OSBPL2: variants seen among roughly 807,000 people sequenced by gnomAD.
OSBPL2 encodes oxysterol-binding protein-related protein 2.
OSBPL2 carries 18 observed loss-of-function variants against 58.4 expected under a neutral mutation model. That is an observed-to-expected ratio of 0.31 (90% CI 0.21 to 0.46). The LOEUF (loss-of-function observed/expected upper bound fraction) is 0.46. Among genes scored for constraint, OSBPL2 ranks in the 20% least tolerant of loss-of-function variants. The pLI is 1.00. For synonymous variants in OSBPL2, 221 were observed against 234.1 expected (o/e 0.94, Z 0.51); for missense variants, 461 against 616.5 (o/e 0.75, Z 2.67).
chr20:62,292,275 G>A (rs931199143), intron 13 of OSBPL2, among the ~76,000 whole-genome samples: 4 of 152,260 alleles, frequency 2.6e-5, no homozygotes, highest in African/African-American at 4.8e-5. Flanking sequence ...GCCACAGCCC[G>A]TGTGTAGGGA....
At chr20:62,260,593 C>T (rs4925363) in intron 3 of OSBPL2, among the ~76,000 whole-genome samples, 1 of 152,104 alleles carries the variant, frequency 6.6e-6, no homozygotes, top group Non-Finnish European at 1.5e-5. Flanking sequence ...GGACAAGAAG[C>T]GTTTAATTTC....
chr20:62,266,391 C>A (rs1601172570), intron 4 of OSBPL2, among the ~76,000 whole-genome samples: 1 of 152,238 alleles, frequency 6.6e-6, no homozygotes, highest in East Asian at 1.9e-4. Flanking sequence ...ATTGAAAAAA[C>A]ACAAGCACAC....
rs115275081 is a variant in OSBPL2 at position 62,246,377 on chromosome 20, T to C, written c.-129+7780T>C. Among the ~76,000 whole-genome samples the C allele has an allele frequency of 7.7e-3, 1,175 of 152,364 alleles. 22 individuals carry two copies. Among genetic ancestry groups the C allele is most frequent in the African/African-American group, 0.026 (1,075 of 41,592 alleles). On this transcript the variant is annotated intron_variant, in intron 1 of 13. Transcript: ENST00000313733. ...AGGGACGACACTGGACAGATGACATTTCCAGTGCCATGGGAGAGTCTAAGC... is the reference window on the plus strand; with the variant it reads ...AGGGACGACACTGGACAGATGACATCTCCAGTGCCATGGGAGAGTCTAAGC...
At chr20:62,252,051 T>C (rs1980592387) in intron 1 of OSBPL2, among the ~76,000 whole-genome samples, 1 of 151,148 alleles carries the variant, frequency 6.6e-6, no homozygotes, top group Admixed American at 6.6e-5. Flanking sequence ...ACCCGACTAA[T>C]TTTTGTGTAT....
At chr20:62,242,900 G>A (rs916457408) in intron 1 of OSBPL2, among the ~76,000 whole-genome samples, 4 of 152,212 alleles carry the variant, frequency 2.6e-5, no homozygotes, top group African/African-American at 9.7e-5. Flanking sequence ...AGGGAGTTGT[G>A]TGGAGTTTTG....
Position 62,260,053 on chromosome 20 carries a change from A to G in OSBPL2, c.110A>G (p.Asp37Gly), listed in dbSNP as rs1981194857. 1 of 1,613,728 alleles carries G rather than the reference A, an allele frequency of 6.2e-7. No homozygotes were observed. Among genetic ancestry groups the G allele is most frequent in the Non-Finnish European group, 8.5e-7 (1 of 1,179,634 alleles). ...NQKVTGMIDL[D>G]TSKNNRIGKT... ...AAAGTCACGGGAATGATTGACTTAG[A>G]CACCAGCAAAAATAATAGGATTGGG... The change falls in exon 3 of 14, where the codon GAC (aspartate) becomes GGC (glycine). Residue 37 changes from aspartate (D) to glycine (G), a missense_variant. By Grantham distance (94) the Asp-to-Gly change is moderately conservative. Around this residue, in one of 5 missense-constraint regions of OSBPL2, gnomAD observed 80 missense variants for 74.8 expected, o/e 1.07. Coordinates refer to ENST00000313733, the MANE Select transcript of OSBPL2 (RefSeq NM_144498.4).
At chr20:62,284,008 G>A (rs764959308) in intron 9 of OSBPL2, 38 bp from the exon 10 acceptor site, 2 of 1,595,402 alleles carry the variant, frequency 1.3e-6, no homozygotes, top group East Asian at 2.2e-5. Context: ...GGTTTGTAAT[G>A]ACTAAGACTT....
intron 1 of OSBPL2, among the ~76,000 whole-genome samples, chr20:62,246,330 C>A (rs1158000827): frequency 6.6e-6 from 1 of 152,278 alleles, no homozygotes; most frequent in Non-Finnish European, 1.5e-5. Context: ...GTTTCAAGTG[C>A]TTGTAGCCAC....
intron 1 of OSBPL2, among the ~76,000 whole-genome samples, chr20:62,249,090 G>A (rs987091306): frequency 6.6e-6 from 1 of 152,136 alleles, no homozygotes; most frequent in Non-Finnish European, 1.5e-5. Flanking sequence ...GGTGGGACGG[G>A]GACAGCACCT....
intron 9 of OSBPL2, among the ~76,000 whole-genome samples, chr20:62,282,333 G>A (rs1791113540): frequency 6.6e-6 from 1 of 152,082 alleles, no homozygotes. Context: ...TTTAAATCAG[G>A]GACTTTCGCA....
At chr20:62,273,562 G>A (rs1173398137) in intron 6 of OSBPL2, among the ~76,000 whole-genome samples, 156 bp downstream of exon 6, 1 of 152,224 alleles carries the variant, frequency 6.6e-6, no homozygotes, top group Non-Finnish European at 1.5e-5. Context: ...TAGGCGAGAT[G>A]TTTCACACAC....
At chr20:62,292,953 C>T (rs569793553) in intron 13 of OSBPL2, among the ~76,000 whole-genome samples, 7 of 151,642 alleles carry the variant, frequency 4.6e-5, no homozygotes, top group African/African-American at 9.7e-5. Context: ...CTGCAAGCTC[C>T]GCCCCTCCGG....
intron 3 of OSBPL2, among the ~76,000 whole-genome samples, chr20:62,262,213 C>T (rs2145936213): frequency 6.6e-6 from 1 of 152,224 alleles, no homozygotes; most frequent in Non-Finnish European, 1.5e-5. Context: ...CCAGCTCGGA[C>T]AGTGCACCAT....
chr20:62,292,258 C>G (rs1486953347), intron 13 of OSBPL2, among the ~76,000 whole-genome samples: 1 of 152,254 alleles, frequency 6.6e-6, no homozygotes, highest in African/African-American at 2.4e-5. Context: ...GGTGAGGTCC[C>G]CCAGGGGCCA....
At chr20:62,260,699 AGTC>A (rs1981240807) in intron 3 of OSBPL2, among the ~76,000 whole-genome samples, 2 of 152,160 alleles carry the variant, frequency 1.3e-5, no homozygotes, top group Non-Finnish European at 2.9e-5. Flanking sequence ...AGAAGTCTTC[AGTC>A]CTTGGCTGGT....
At chr20:62,256,447 G>C (rs528987048) in intron 2 of OSBPL2, among the ~76,000 whole-genome samples, 4 of 152,256 alleles carry the variant, frequency 2.6e-5, no homozygotes, top group African/African-American at 7.2e-5. Flanking sequence ...AGAGTTTCCT[G>C]GGGTGCGGAT....
intron 1 of OSBPL2, among the ~76,000 whole-genome samples, chr20:62,248,672 C>CTTTA (rs3078864): frequency 0.033 from 4,904 of 147,794 alleles, 102 homozygotes; most frequent in Non-Finnish European, 0.04. Flanking sequence ...GTCAGATCTG[C>CTTTA]TTTATTTATT....
chr20:62,293,411 A>G (rs1047315219), intron 13 of OSBPL2, among the ~76,000 whole-genome samples: 2 of 152,138 alleles, frequency 1.3e-5, no homozygotes, highest in East Asian at 3.9e-4. Context: ...AAAAAAACCA[A>G]TACTTGGTTT....
Position 62,252,030 on chromosome 20 carries a change from C to T in OSBPL2, c.-128-4027C>T, listed in dbSNP as rs542668654. 3.3e-5 allele frequency among the ~76,000 whole-genome samples: 5 copies of T among 151,196 alleles called. No homozygotes were observed. The East Asian group carries it at 5.9e-4, about 18-fold the overall frequency. ...CTGTGTAGCTGGGACCATAGGTGGG[C>T]GCACCACCACACCCGACTAATTTTT... On this transcript the variant is annotated intron_variant, in intron 1 of 13. Transcript: ENST00000313733.
Sources: gnomAD v4.1 joint callset for allele counts (sites outside exome capture counted in the v4.1 genomes callset) on GRCh38, gnomAD v4.1.1 for gene constraint, gnomAD v4.1.1 regional missense constraint, MANE v1.5 for transcripts, NCBI Gene and HGNC (gene_info 2026-07-23, HGNC 2026-07-21) for gene names.